The following DOCK3 variants were observed in gnomAD, a reference collection of about 807,000 sequenced individuals.
The protein encoded by DOCK3 is dedicator of cytokinesis 3.
Under a neutral mutation model 265.6 loss-of-function variants are expected in DOCK3, and 60 were observed. That is an observed-to-expected ratio of 0.23 (90% CI 0.18 to 0.28). The LOEUF (loss-of-function observed/expected upper bound fraction) is 0.28. Ranked by LOEUF, DOCK3 falls within the 10% of genes least tolerant of loss-of-function variation. DOCK3 has a pLI of 1.00. For missense variants in DOCK3, 1,981 were observed against 2,594.3 expected (o/e 0.76, Z 5.14); for synonymous variants, 881 against 938.0 (o/e 0.94, Z 1.11).
chr3:50,858,265 C>T (rs1222683457), intron 3 of DOCK3, among the ~76,000 whole-genome samples: 1 of 152,000 alleles, frequency 6.6e-6, no homozygotes, highest in Non-Finnish European at 1.5e-5. Context: ...ACATCACACT[C>T]TGGGGCCTGT....
At chr3:51,004,492 CT>C (rs2078599314) in intron 5 of DOCK3, among the ~76,000 whole-genome samples, 1 of 152,010 alleles carries the variant, frequency 6.6e-6, no homozygotes, top group African/African-American at 2.4e-5. Flanking sequence ...CTATAGAGAA[CT>C]AAAATAATGG....
intron 4 of DOCK3, among the ~76,000 whole-genome samples, chr3:50,923,922 A>G (rs2050632555): frequency 6.6e-6 from 1 of 152,028 alleles, no homozygotes; most frequent in Non-Finnish European, 1.5e-5. Flanking sequence ...GCTTCTTCCT[A>G]CTCTGTTGTA....
intron 3 of DOCK3, among the ~76,000 whole-genome samples, chr3:50,863,053 A>G (rs536723355): frequency 9.2e-5 from 14 of 152,060 alleles, no homozygotes; most frequent in Non-Finnish European, 1.5e-4. Context: ...CACTACTCCT[A>G]TGTTTTATTT....
At chr3:50,802,775 G>A (rs749314888) in intron 2 of DOCK3, among the ~76,000 whole-genome samples, 1 of 152,012 alleles carries the variant, frequency 6.6e-6, no homozygotes, top group South Asian at 2.1e-4. Context: ...TGTTTGGGTT[G>A]AATCTGTTGG....
At chr3:50,752,998 G>C (rs1383462487) in intron 1 of DOCK3, among the ~76,000 whole-genome samples, 3 of 152,172 alleles carry the variant, frequency 2.0e-5, no homozygotes, top group African/African-American at 7.2e-5. Flanking sequence ...TAAAAGGCTA[G>C]ATAGTAAGTA....
chr3:51,047,506 CAACA>C (rs2080824753), intron 5 of DOCK3, among the ~76,000 whole-genome samples: 1 of 151,562 alleles, frequency 6.6e-6, no homozygotes, highest in South Asian at 2.1e-4. Flanking sequence ...AAAATAAAAT[CAACA>C]AACAGGTAGA....
At chr3:51,376,924 C>T (rs922956086) in intron 51 of DOCK3, among the ~76,000 whole-genome samples, 1 of 152,242 alleles carries the variant, frequency 6.6e-6, no homozygotes, top group African/African-American at 2.4e-5. Context: ...GTCGTATATC[C>T]CGAAAACATG....
chr3:50,880,842 C>T (rs559803440), intron 3 of DOCK3, among the ~76,000 whole-genome samples: 3 of 152,236 alleles, frequency 2.0e-5, no homozygotes, highest in Admixed American at 2.0e-4. Flanking sequence ...AATTTTAGAC[C>T]AATATCCTTG....
At chr3:50,833,324 A>G (rs1435050540) in intron 2 of DOCK3, among the ~76,000 whole-genome samples, 1 of 152,196 alleles carries the variant, frequency 6.6e-6, no homozygotes, top group Non-Finnish European at 1.5e-5. Context: ...TTAGTCTTCC[A>G]TTTTTACTAA....
rs782707574 is a variant in DOCK3 at position 51,381,327 on chromosome 3, G to A, written c.5861G>A (p.Arg1954Gln). Residue 1954 changes from arginine (R) to glutamine (Q), a missense_variant, in exon 53 of 53, where the codon CGA (arginine) becomes CAA (glutamine). By Grantham distance (43) the Arg-to-Gln change is conservative. Transcript: ENST00000266037. This position sits in a 1 kb window ranked among gnomAD's most constrained non-coding sequence, Gnocchi z 5.6. ...VLDSIKAQPC[R>Q]SHSAPGCVIP... ...GACTCCATCAAGGCCCAGCCATGCC[G>A]AAGCCACTCAGCCCCAGGGTGCGTC... 10 of 1,613,442 alleles carry A rather than the reference G, an allele frequency of 6.2e-6. No individual in the cohort carries two copies. The highest frequency in any genetic ancestry group is 8.5e-6 in the Non-Finnish European group (10 of 1,179,894).
At chr3:50,832,574 C>G (rs2045250281) in intron 2 of DOCK3, among the ~76,000 whole-genome samples, 2 of 152,206 alleles carry the variant, frequency 1.3e-5, no homozygotes, top group Admixed American at 1.3e-4. Flanking sequence ...GTGCTGACTT[C>G]TTGTCTCATC....
intron 3 of DOCK3, among the ~76,000 whole-genome samples, chr3:50,876,148 T>C (rs2047692094): frequency 6.6e-6 from 1 of 152,122 alleles, no homozygotes. Context: ...AATATCAATA[T>C]TTTTATCAGA....
At chr3:51,241,811 G>C (rs1255210071) in intron 21 of DOCK3, among the ~76,000 whole-genome samples, 1 of 152,174 alleles carries the variant, frequency 6.6e-6, no homozygotes, top group African/African-American at 2.4e-5. Flanking sequence ...TATTTTGTCT[G>C]TCAGCTCCTG....
At chr3:51,195,172 T>C (rs2088205858) in intron 12 of DOCK3, among the ~76,000 whole-genome samples, 1 of 152,134 alleles carries the variant, frequency 6.6e-6, no homozygotes, top group African/African-American at 2.4e-5. Context: ...TTTTTAAAAA[T>C]CTATTCAGCC....
chr3:51,318,101 C>T (rs937253397), intron 32 of DOCK3, among the ~76,000 whole-genome samples: 4 of 152,006 alleles, frequency 2.6e-5, no homozygotes, highest in Admixed American at 2.6e-4. Context: ...AATTGGGGGC[C>T]GGGCACAGTG....
chr3:50,934,007 A>G lies in DOCK3; in HGVS notation c.245A>G (p.Glu82Gly). Residue 82 changes from glutamate to glycine, a missense_variant, in exon 5 of 53, where the codon GAA (glutamate) becomes GGA (glycine). By Grantham distance (98) the Glu-to-Gly change is moderately conservative. Transcript: ENST00000266037. ...RGQYETVVPL[E>G]DSIVTEVTAT... ...CAGTATGAAACTGTGGTTCCACTTG[A>G]AGATTCTATTGTGACTGAGGTTACA... The G allele has an allele frequency of 6.2e-7, 1 of 1,608,238 alleles. No individual in the cohort carries two copies. The highest frequency in any genetic ancestry group is 1.1e-5 in the South Asian group (1 of 89,802).
intron 5 of DOCK3, among the ~76,000 whole-genome samples, chr3:50,962,010 T>A (rs112445527): frequency 2.1e-5 from 3 of 143,386 alleles, no homozygotes; most frequent in Admixed American, 7.1e-5. Context: ...TTTTTTTTTT[T>A]AATATATATG....
chr3:50,744,727 A>G (rs1009372759), intron 1 of DOCK3, among the ~76,000 whole-genome samples: 4 of 152,108 alleles, frequency 2.6e-5, no homozygotes, highest in African/African-American at 9.7e-5. Context: ...GAGCCACTGT[A>G]TCTGGCCTTC....
intron 49 of DOCK3, among the ~76,000 whole-genome samples, chr3:51,368,120 A>G (rs2087382890): frequency 6.6e-6 from 1 of 152,224 alleles, no homozygotes; most frequent in South Asian, 2.1e-4. Context: ...CATCATGAAT[A>G]GGAACACAAC....
Sources: gnomAD v4.1 joint callset for allele counts (sites outside exome capture counted in the v4.1 genomes callset) on GRCh38, gnomAD v4.1.1 for gene constraint, Gnocchi (gnomAD v3.1) non-coding constraint, MANE v1.5 for transcripts, NCBI Gene and HGNC (gene_info 2026-07-23, HGNC 2026-07-21) for gene names.